NKAIN3: variants seen among roughly 807,000 people sequenced by gnomAD.
NKAIN3 encodes the protein sodium/potassium transporting ATPase interacting 3, also known as sodium/potassium-transporting ATPase subunit beta-1-interacting protein 3.
A neutral mutation model predicts 30.2 loss-of-function variants in NKAIN3; 25 were observed. The observed-to-expected ratio is 0.83, with a 90% confidence interval of 0.60 to 1.16. The LOEUF (loss-of-function observed/expected upper bound fraction) is 1.16. NKAIN3 is among the 50% of genes most tolerant of loss of function. The probability of loss-of-function intolerance (pLI) is 0.00; values close to 1 mark genes in which losing one functional copy is unlikely to be tolerated. For synonymous variants in NKAIN3, 91 were observed against 89.6 expected, an observed-to-expected ratio of 1.02 and a Z score of -0.09; for missense variants, 225 against 254.1, an observed-to-expected ratio of 0.89 and a Z score of 0.78.
chr8:62,455,154 AC>A (rs1254885766), intron 1 of NKAIN3, among the ~76,000 whole-genome samples: 5 of 152,252 alleles, frequency 3.3e-5, no homozygotes, highest in Admixed American at 6.5e-5. Flanking sequence ...ATATGATCAT[AC>A]ATTAAGTAAT....
At chr8:62,380,963 G>T (rs1424306206) in intron 1 of NKAIN3, among the ~76,000 whole-genome samples, 1 of 152,074 alleles carries the variant, frequency 6.6e-6, no homozygotes, top group Non-Finnish European at 1.5e-5. Context: ...CACAAATGGG[G>T]ACTTTATAAT....
chr8:62,864,230 A>C, intron 4 of NKAIN3: 3 of 750,078 alleles, frequency 4.0e-6, no homozygotes, highest in Non-Finnish European at 4.5e-6. Context: ...TGAAACTAAA[A>C]ACAGCAGGAT....
chr8:62,928,536 C>T (rs1822519030), intron 5 of NKAIN3, among the ~76,000 whole-genome samples: 1 of 152,172 alleles, frequency 6.6e-6, no homozygotes, highest in Non-Finnish European at 1.5e-5. Flanking sequence ...TGGCTCTTCA[C>T]TAAGCCCGTT....
chr8:62,381,046 A>G (rs1295040873), intron 1 of NKAIN3, among the ~76,000 whole-genome samples: 2 of 152,304 alleles, frequency 1.3e-5, no homozygotes, highest in East Asian at 1.9e-4. Context: ...AAAAAATATC[A>G]ATTACTTAGT....
intron 1 of NKAIN3, among the ~76,000 whole-genome samples, chr8:62,576,790 A>G (rs1810123279): frequency 6.6e-6 from 1 of 152,068 alleles, no homozygotes; most frequent in South Asian, 2.1e-4. Flanking sequence ...CACAGATTAG[A>G]GCCATTTTAA....
chr8:62,944,905 A>ATAGAAG (rs1823078112), intron 5 of NKAIN3, among the ~76,000 whole-genome samples: 1 of 152,218 alleles, frequency 6.6e-6, no homozygotes, highest in Non-Finnish European at 1.5e-5. Context: ...AATACTTCCA[A>ATAGAAG]TATTTGGTGC....
intron 3 of NKAIN3, among the ~76,000 whole-genome samples, chr8:62,726,270 G>A (rs892784687): frequency 5.3e-5 from 8 of 151,932 alleles, no homozygotes; most frequent in African/African-American, 1.4e-4. Flanking sequence ...TTGCAAACAC[G>A]CATAACTTTT....
At chr8:62,449,247 C>A (rs1450334088) in intron 1 of NKAIN3, among the ~76,000 whole-genome samples, 2 of 151,926 alleles carry the variant, frequency 1.3e-5, no homozygotes, top group African/African-American at 2.4e-5. Context: ...TCCATGATTT[C>A]TTGAGATTCT....
intron 4 of NKAIN3, among the ~76,000 whole-genome samples, chr8:62,866,253 C>T (rs1820410539): frequency 1.3e-5 from 2 of 151,980 alleles, no homozygotes; most frequent in Admixed American, 6.6e-5. Context: ...CATATATTTT[C>T]GAAAAAGCAT....
intron 4 of NKAIN3, among the ~76,000 whole-genome samples, chr8:62,894,977 T>C (rs1172557912): frequency 6.6e-6 from 1 of 152,138 alleles, no homozygotes; most frequent in African/African-American, 2.4e-5. Context: ...TTCTTGAAAA[T>C]CCCACATCAC....
intron 1 of NKAIN3, among the ~76,000 whole-genome samples, chr8:62,383,136 G>A (rs1817326476): frequency 6.6e-6 from 1 of 152,052 alleles, no homozygotes; most frequent in Non-Finnish European, 1.5e-5. Context: ...AGGGTTTTGG[G>A]CAGCCAGGGA....
intron 1 of NKAIN3, among the ~76,000 whole-genome samples, chr8:62,428,065 G>A (rs1156860925): frequency 6.6e-6 from 1 of 151,456 alleles, no homozygotes; most frequent in Non-Finnish European, 1.5e-5. Context: ...ATTTTTTTTA[G>A]CTTCTACGTG....
At chr8:62,564,221 A>G (rs1232774158) in intron 1 of NKAIN3, among the ~76,000 whole-genome samples, 1 of 152,136 alleles carries the variant, frequency 6.6e-6, no homozygotes, top group East Asian at 1.9e-4. Flanking sequence ...TACTAATTTT[A>G]AAAATATTAA....
chr8:62,516,866 C>T (rs1446862251), intron 1 of NKAIN3, among the ~76,000 whole-genome samples: 2 of 152,086 alleles, frequency 1.3e-5, no homozygotes, highest in Non-Finnish European at 2.9e-5. Flanking sequence ...TTACCTAAAA[C>T]TTCACATGTA....
At chr8:62,593,974 C>T (rs910680825) in intron 3 of NKAIN3, among the ~76,000 whole-genome samples, 1 of 151,970 alleles carries the variant, frequency 6.6e-6, no homozygotes, top group African/African-American at 2.4e-5. Context: ...AAGCAAACAT[C>T]CCTGGAGCTT....
chr8:62,835,923 A>G (rs987758937), intron 4 of NKAIN3, among the ~76,000 whole-genome samples: 1 of 152,134 alleles, frequency 6.6e-6, no homozygotes. Context: ...TGGCAAAGAC[A>G]TGGAGTCAAC....
chr8:62,636,093 T>C (rs771585623), intron 3 of NKAIN3, among the ~76,000 whole-genome samples: 23 of 152,178 alleles, frequency 1.5e-4, no homozygotes, highest in Non-Finnish European at 2.4e-4. Context: ...TGATTCCAGC[T>C]GGCAATGAGA....
At chr8:62,294,477 A>G (rs1196824052) in intron 1 of NKAIN3, among the ~76,000 whole-genome samples, 1 of 152,210 alleles carries the variant, frequency 6.6e-6, no homozygotes, top group East Asian at 1.9e-4. Flanking sequence ...AAGGATTATA[A>G]TAAATAAAAT....
chr8:62,856,443 A>G, intron 4 of NKAIN3: 1 of 789,816 alleles, frequency 1.3e-6, no homozygotes, highest in Non-Finnish European at 2.3e-6. Context: ...TGATATCTCT[A>G]TAGAATAAGG....
Sources: allele counts gnomAD v4.1 joint callset (sites outside exome capture counted in the v4.1 genomes callset), GRCh38; gene constraint gnomAD v4.1.1; transcripts MANE v1.5; gene names NCBI Gene and HGNC (gene_info 2026-07-23, HGNC 2026-07-21).